The following CMYA5 variants were observed in gnomAD, a reference collection of about 807,000 sequenced individuals.
The protein encoded by CMYA5 is cardiomyopathy associated 5.
CMYA5 carries 246 observed loss-of-function variants against 318.9 expected under a neutral mutation model. The observed-to-expected ratio is 0.77, with a 90% CI of 0.70 to 0.86. The LOEUF (loss-of-function observed/expected upper bound fraction) is 0.86, where lower values mean the gene tolerates loss of function less well. Ranked by LOEUF, CMYA5 falls within the 40% of genes least tolerant of loss-of-function variation. The pLI is 0.00. For synonymous variants in CMYA5, 1,641 were observed against 1,729.5 expected, an observed-to-expected ratio of 0.95 and a Z score of 1.27; for missense variants, 4,589 against 4,678.2, an observed-to-expected ratio of 0.98 and a Z score of 0.56.
At chr5:79,762,112 G>A (rs377265314) in intron 8 of CMYA5, 155 bp downstream of exon 8, 3 of 771,106 alleles carry the variant, frequency 3.9e-6, no homozygotes, top group Non-Finnish European at 5.7e-6. Flanking sequence ...CTGGGGTCCT[G>A]TTCTCAAGAA....
rs774841389 is a variant in CMYA5 at position 79,730,218 on chromosome 5, G to A, written c.1453G>A (p.Glu485Lys). ...CCATCCCAGTGTCAAAGGAGAGAAG[G>A]AGGAAAACATGCTTGAGCCATCCAT... ...PTHPSVKGEK[E>K]ENMLEPSISL... The change falls in exon 2 of 13, where the codon GAG (glutamate) becomes AAG (lysine). Residue 485 changes from glutamate (E) to lysine (K), a missense_variant. Glu to Lys is a moderately conservative substitution (Grantham distance 56, BLOSUM62 1). Transcript: ENST00000446378. 5.8e-5 allele frequency: 94 copies of A among 1,613,848 alleles called. No individual in the cohort carries two copies. Among genetic ancestry groups the A allele is most frequent in the Non-Finnish European group, 7.5e-5 (89 of 1,179,892 alleles).
Position 79,730,557 on chromosome 5 carries a change from T to C in CMYA5, c.1792T>C (p.Tyr598His). The change falls in exon 2 of 13, where the codon TAT (tyrosine) becomes CAT (histidine). Residue 598 changes from tyrosine (Y) to histidine (H), a missense_variant. Coordinates refer to ENST00000446378, the MANE Select transcript of CMYA5 (RefSeq NM_153610.5). ...TACTGGTTCTGCTTTTGTATCAGAGTATTCAGTACCACAGGATTTGAACCA... is the reference window on the plus strand; with the variant it reads ...TACTGGTTCTGCTTTTGTATCAGAGCATTCAGTACCACAGGATTTGAACCA... ...VSTGSAFVSE[Y>H]SVPQDLNHEL... 4.3e-6 allele frequency: 7 copies of C among 1,613,928 alleles called. No individual in the cohort carries two copies. The highest frequency in any genetic ancestry group is 5.9e-6 in the Non-Finnish European group (7 of 1,179,842).
chr5:79,753,438 A>G (rs188754587), intron 6 of CMYA5, among the ~76,000 whole-genome samples: 1 of 152,300 alleles, frequency 6.6e-6, no homozygotes, highest in East Asian at 1.9e-4. Flanking sequence ...TTACTGTACA[A>G]CATGCTCAGG....
chr5:79,786,098 T>C (rs1829077291), intron 9 of CMYA5, among the ~76,000 whole-genome samples: 1 of 152,214 alleles, frequency 6.6e-6, no homozygotes, highest in South Asian at 2.1e-4. Context: ...CTCTGCTTTG[T>C]AGCAGTGGAG....
intron 9 of CMYA5, among the ~76,000 whole-genome samples, chr5:79,778,549 C>G (rs1481007795): frequency 3.9e-5 from 6 of 151,952 alleles, no homozygotes; most frequent in Admixed American, 3.9e-4. Flanking sequence ...TACAGTACTT[C>G]TTTTTCTATA....
intron 1 of CMYA5, among the ~76,000 whole-genome samples, chr5:79,696,938 C>T (rs1349763507): frequency 2.0e-5 from 3 of 151,612 alleles, no homozygotes; most frequent in South Asian, 2.1e-4. Context: ...ACCCGGGAGG[C>T]GGAGGTTGCA....
Position 79,799,243 on chromosome 5 carries a change from C to T in CMYA5, c.11964-127C>T, listed in dbSNP as rs1230907842. The T allele has an allele frequency of 4.4e-6, 4 of 911,686 alleles. No individual in the cohort carries two copies. The African/African-American group carries it at 6.7e-5, about 15-fold the overall frequency. The allele number at this position is 911,686 out of a possible 1,614,324, so 56.5% of individuals were successfully genotyped here. ...AAATCTAGTGAAGTATTTGGGACAG[C>T]ATTATTGCAACTCCTTATTGTGAAG... On this transcript the variant is annotated intron_variant, in intron 12 of 12. Coordinates refer to ENST00000446378, the MANE Select transcript of CMYA5 (RefSeq NM_153610.5).
rs905792484 is a variant in CMYA5 at position 79,735,066 on chromosome 5, C to T, written c.6301C>T (p.Pro2101Ser). 6.2e-7 allele frequency: 1 copy of T among 1,613,806 alleles called. No homozygotes were observed. The highest frequency in any genetic ancestry group is 8.5e-7 in the Non-Finnish European group (1 of 1,179,800). ...RSTPPFPEEK[P>S]LEESKMVQSK... The stretch of plus-strand genomic sequence containing the variant: ...CACACCTCCTTTTCCTGAAGAGAAG[C>T]CATTGGAAGAATCAAAAATGGTTCA... The change falls in exon 2 of 13, where the codon CCA (proline) becomes TCA (serine). Residue 2101 changes from proline to serine, a missense_variant. By Grantham distance (74) the Pro-to-Ser change is moderately conservative. Around this residue, in one of 3 missense-constraint regions of CMYA5, gnomAD observed 2,431 missense variants for 2,495.1 expected, o/e 0.97. Transcript: ENST00000446378.
intron 9 of CMYA5, among the ~76,000 whole-genome samples, chr5:79,771,917 C>T (rs192908612): frequency 1.4e-4 from 21 of 152,212 alleles, no homozygotes; most frequent in East Asian, 9.7e-4. Context: ...TTTTCTCTGT[C>T]CCATGAGAAA....
rs141811421 is a variant in CMYA5, at chr5:79,732,007, C to T, written c.3242C>T (p.Pro1081Leu). The change falls in exon 2 of 13, where the codon CCG becomes CTG. Residue 1081 changes from proline (P) to leucine (L), a missense_variant. By Grantham distance (98) the Pro-to-Leu change is moderately conservative. Coordinates refer to ENST00000446378, the MANE Select transcript of CMYA5 (RefSeq NM_153610.5). ...TCTCCGCTTGAAGACTTAAGTCTGC[C>T]GCCTTCAACAGATAAATCAGAGAAA... ...LMSPLEDLSL[P>L]PSTDKSEKAE... 1,254 of 1,613,792 alleles carry T rather than the reference C, an allele frequency of 7.8e-4. 11 individuals carry two copies. The East Asian group carries it at 0.022, about 28-fold the overall frequency.
chr5:79,796,730 A>AT lies in CMYA5; in HGVS notation c.11964-2639dup, dbSNP rs1277440845. On this transcript the variant is annotated intron_variant, in intron 12 of 12. Transcript: ENST00000446378. ...CAAGAGTTTTACCTTCATGAAGCTA[A>AT]TAGTCTACTGACAAAGATAAGAAGA... Among the ~76,000 whole-genome samples, 6 of 152,336 alleles carry AT rather than the reference A, an allele frequency of 3.9e-5. No homozygotes were observed. In the East Asian group the frequency reaches 1.2e-3, roughly 29 times the overall value.
intron 1 of CMYA5, among the ~76,000 whole-genome samples, chr5:79,698,248 C>A (rs146271161): frequency 3.3e-5 from 5 of 152,024 alleles, no homozygotes; most frequent in Non-Finnish European, 5.9e-5. Context: ...TTCAATAAAT[C>A]CCCTAGTCAT....
chr5:79,744,531 G>A (rs1332661106), intron 3 of CMYA5, among the ~76,000 whole-genome samples: 1 of 152,234 alleles, frequency 6.6e-6, no homozygotes, highest in Non-Finnish European at 1.5e-5. Flanking sequence ...TGAGGCCACT[G>A]CAGAGGCTGC....
intron 9 of CMYA5, among the ~76,000 whole-genome samples, chr5:79,771,967 C>T (rs1415890429): frequency 6.6e-6 from 1 of 152,080 alleles, no homozygotes; most frequent in Non-Finnish European, 1.5e-5. Context: ...TTCAAATCCC[C>T]TCTCGTTAAT....
chr5:79,748,001 A>G (rs1828359811), intron 5 of CMYA5, among the ~76,000 whole-genome samples: 2 of 152,188 alleles, frequency 1.3e-5, no homozygotes, highest in South Asian at 4.1e-4. Context: ...TTTTTAGGTA[A>G]TTGAAATCAC....
intron 10 of CMYA5, 59 bp downstream of exon 10, chr5:79,789,163 T>G: frequency 6.3e-7 from 1 of 1,592,304 alleles, no homozygotes; most frequent in Non-Finnish European, 8.6e-7. Context: ...CTTCCACCCC[T>G]CAGAGAAGAT....
At chr5:79,778,278 A>G (rs1173790438) in intron 9 of CMYA5, among the ~76,000 whole-genome samples, 1 of 152,246 alleles carries the variant, frequency 6.6e-6, no homozygotes, top group African/African-American at 2.4e-5. Flanking sequence ...TTAAATTATT[A>G]GAAGTGGAAT....
At position 79,737,514 on chromosome 5, in the gene CMYA5, C is replaced by A; in HGVS notation, c.8749C>A (p.Pro2917Thr). 1.2e-6 allele frequency: 2 copies of A among 1,613,454 alleles called. No individual in the cohort carries two copies. The highest frequency in any genetic ancestry group is 1.3e-5 in the African/African-American group (1 of 74,980). The change falls in exon 2 of 13, where the codon CCT (proline) becomes ACT (threonine). Residue 2917 changes from proline to threonine, a missense_variant. Transcript: ENST00000446378. The part of the protein sequence containing the change: ...MVSNKEMPKE[P>T]EDTYAKGEDF... ...TTCTAATAAAGAAATGCCCAAGGAA[C>A]CTGAAGACACATATGCAAAAGGTGA...
chr5:79,742,423 G>T (rs1473402854), intron 2 of CMYA5, among the ~76,000 whole-genome samples: 1 of 152,118 alleles, frequency 6.6e-6, no homozygotes, highest in Non-Finnish European at 1.5e-5. Context: ...CTGGCTACCA[G>T]CGATCTTCCC....
Sources: allele counts gnomAD v4.1 joint callset (sites outside exome capture counted in the v4.1 genomes callset), GRCh38; gene constraint gnomAD v4.1.1; regional missense constraint gnomAD v4.1.1; transcripts MANE v1.5; gene names NCBI Gene and HGNC (gene_info 2026-07-23, HGNC 2026-07-21).